TBCK: variants seen among roughly 807,000 people sequenced by gnomAD.
TBCK encodes TBC1 domain containing kinase.
In TBCK, 99 loss-of-function variants were observed where a neutral mutation model predicts 113.4. The observed-to-expected ratio is 0.87, with a 90% CI of 0.74 to 1.03. TBCK has a LOEUF of 1.03. Among genes scored for constraint, TBCK ranks in the 50% least tolerant of loss-of-function variants. The pLI, the probability that TBCK is intolerant of heterozygous loss-of-function variation, is 0.00. For synonymous variants in TBCK, 369 were observed against 370.8 expected (o/e 1.00, Z 0.05); for missense variants, 1,045 against 1,061.3 (o/e 0.98, Z 0.21).
At chr4:106,069,322 T>C (rs561642263) in intron 25 of TBCK, among the ~76,000 whole-genome samples, 1 of 152,222 alleles carries the variant, frequency 6.6e-6, no homozygotes, top group South Asian at 2.1e-4. Context: ...AATTTTTGTA[T>C]AAGGTGTAAG....
At chr4:106,279,995 T>G (rs986144259) in intron 3 of TBCK, among the ~76,000 whole-genome samples, 6 of 152,172 alleles carry the variant, frequency 3.9e-5, no homozygotes. Context: ...TTTAGTTTTG[T>G]TGAGGAACCT....
chr4:106,230,708 A>G (rs771147568), intron 18 of TBCK, among the ~76,000 whole-genome samples: 3 of 151,916 alleles, frequency 2.0e-5, no homozygotes, highest in Admixed American at 6.6e-5. Context: ...CAATAATCAC[A>G]ACTTTTATTA....
At chr4:106,199,624 C>T (rs1754655044) in intron 20 of TBCK, among the ~76,000 whole-genome samples, 1 of 152,122 alleles carries the variant, frequency 6.6e-6, no homozygotes, top group Non-Finnish European at 1.5e-5. Flanking sequence ...CCTTCAAAAT[C>T]TATACCTCCA....
At chr4:106,268,892 T>C (rs747071544) in intron 3 of TBCK, among the ~76,000 whole-genome samples, 1 of 152,088 alleles carries the variant, frequency 6.6e-6, no homozygotes, top group Non-Finnish European at 1.5e-5. Flanking sequence ...ATCATTCATG[T>C]ATAAGTGATA....
chr4:106,287,299 A>G (rs1315611259), intron 3 of TBCK, among the ~76,000 whole-genome samples: 1 of 152,188 alleles, frequency 6.6e-6, no homozygotes, highest in Non-Finnish European at 1.5e-5. Context: ...TACTTTAAAC[A>G]AATATGAATA....
intron 25 of TBCK, among the ~76,000 whole-genome samples, chr4:106,089,089 G>A (rs1264448169): frequency 6.6e-6 from 1 of 150,438 alleles, no homozygotes; most frequent in African/African-American, 2.5e-5. Flanking sequence ...TCATGGTTCT[G>A]TAGGCTTTAC....
intron 20 of TBCK, among the ~76,000 whole-genome samples, chr4:106,208,274 T>C (rs1755753022): frequency 6.6e-6 from 1 of 152,164 alleles, no homozygotes; most frequent in Admixed American, 6.5e-5. Flanking sequence ...CTCATACATA[T>C]CTACAGAATG....
In TBCK at chr4:106,210,160, C is replaced by T. The variant is rs138013925; in HGVS notation, c.1860+2590G>A. 3.9e-3 allele frequency among the ~76,000 whole-genome samples: 594 copies of T among 152,152 alleles called. 2 individuals carry two copies. Among genetic ancestry groups the T allele is most frequent in the African/African-American group, 0.014 (568 of 41,520 alleles). Reference sequence around the variant, plus strand: ...TGGAAAGCAGAAATGGAATCTCCTTCTAGACAAAAGACAGATTTACTAATA... The same window carrying T: ...TGGAAAGCAGAAATGGAATCTCCTTTTAGACAAAAGACAGATTTACTAATA... On this transcript the variant is annotated intron_variant, in intron 20 of 25. Coordinates refer to ENST00000394708, the MANE Select transcript of TBCK (RefSeq NM_001163435.3).
chr4:106,091,682 C>T (rs180757454), intron 25 of TBCK, among the ~76,000 whole-genome samples: 12 of 151,954 alleles, frequency 7.9e-5, no homozygotes, highest in African/African-American at 1.7e-4. Flanking sequence ...TGCAGACCTT[C>T]GTGGTGAGTG....
rs560769419 is a variant in TBCK at position 106,124,744 on chromosome 4, C to T, written c.2236-8366G>A. Among the ~76,000 whole-genome samples the T allele has an allele frequency of 1.4e-4, 22 of 151,880 alleles. No individual in the cohort carries two copies. The South Asian group carries it at 2.5e-3, about 17-fold the overall frequency. On this transcript the variant is annotated intron_variant, in intron 23 of 25. Coordinates refer to ENST00000394708, the MANE Select transcript of TBCK (RefSeq NM_001163435.3). ...GAAATCATCATTTTCAGTAAACTATCGCAAGAACAAAAAACCAAACACCGC... is the reference window on the plus strand; with the variant it reads ...GAAATCATCATTTTCAGTAAACTATTGCAAGAACAAAAAACCAAACACCGC...
At chr4:106,132,255 G>C (rs1455103007) in intron 23 of TBCK, among the ~76,000 whole-genome samples, 1 of 152,152 alleles carries the variant, frequency 6.6e-6, no homozygotes, top group Non-Finnish European at 1.5e-5. Flanking sequence ...TGGTTTTGTG[G>C]GTGGGGCCCA....
chr4:106,145,517 A>C (rs542927010), intron 23 of TBCK, among the ~76,000 whole-genome samples: 1 of 152,308 alleles, frequency 6.6e-6, no homozygotes, highest in African/African-American at 2.4e-5. Flanking sequence ...GTCCTAAACC[A>C]TGACAAAAAA....
intron 23 of TBCK, among the ~76,000 whole-genome samples, chr4:106,128,422 C>T (rs1038799175): frequency 6.6e-5 from 10 of 152,012 alleles, no homozygotes; most frequent in South Asian, 2.1e-4. Context: ...CAGAATAATC[C>T]GAGGAAAATC....
chr4:106,279,170 A>C (rs1412141335), intron 3 of TBCK, among the ~76,000 whole-genome samples: 1 of 152,184 alleles, frequency 6.6e-6, no homozygotes, highest in African/African-American at 2.4e-5. Context: ...CCTAATTACT[A>C]ATCTCCTACC....
chr4:106,315,382 T>C (rs1253132359), intron 1 of TBCK, among the ~76,000 whole-genome samples: 11 of 152,194 alleles, frequency 7.2e-5, no homozygotes, highest in Non-Finnish European at 1.3e-4. Flanking sequence ...TTATCATGAA[T>C]AAAATTTCAC....
At chr4:106,068,620 C>A (rs1020580640) in intron 25 of TBCK, among the ~76,000 whole-genome samples, 1 of 152,138 alleles carries the variant, frequency 6.6e-6, no homozygotes, top group African/African-American at 2.4e-5. Context: ...CGTGTGCATG[C>A]ATCTTTATAG....
At chr4:106,271,846 G>T (rs1763522748) in intron 3 of TBCK, among the ~76,000 whole-genome samples, 1 of 151,872 alleles carries the variant, frequency 6.6e-6, no homozygotes, top group African/African-American at 2.4e-5. Flanking sequence ...TGATTTCTAG[G>T]TTTCCCACCA....
chr4:106,128,901 C>A (rs1745539504), intron 23 of TBCK, among the ~76,000 whole-genome samples: 1 of 151,794 alleles, frequency 6.6e-6, no homozygotes. Flanking sequence ...CAGGAAAGAC[C>A]AAAAGATTAA....
At chr4:106,237,447 T>C in intron 12 of TBCK, 1 of 454,394 alleles carries the variant, frequency 2.2e-6, no homozygotes, top group Non-Finnish European at 4.4e-6. Flanking sequence ...AGTAAAATGT[T>C]AACCACATCC....
Sources: allele counts gnomAD v4.1 joint callset (sites outside exome capture counted in the v4.1 genomes callset), GRCh38; gene constraint gnomAD v4.1.1; transcripts MANE v1.5; gene names NCBI Gene and HGNC (gene_info 2026-07-23, HGNC 2026-07-21).